The following RGS22 variants were observed in gnomAD, a reference collection of about 807,000 sequenced individuals.
RGS22 encodes the protein regulator of G protein signaling 22, also known as regulator of G-protein signaling 22.
RGS22 carries 148 observed loss-of-function variants against 172.9 expected under a neutral mutation model. That is an observed-to-expected ratio of 0.86 (90% CI 0.75 to 0.98). The LOEUF (loss-of-function observed/expected upper bound fraction) is 0.98, where lower values mean the gene tolerates loss of function less well. Among genes scored for constraint, RGS22 ranks in the 50% least tolerant of loss-of-function variants. The pLI is 0.00. For synonymous variants in RGS22, 458 were observed against 480.2 expected, an observed-to-expected ratio of 0.95 and a Z score of 0.60; for missense variants, 1,347 against 1,440.8, an observed-to-expected ratio of 0.93 and a Z score of 1.05.
chr8:100,043,772 CA>C (rs549103580), intron 11 of RGS22, among the ~76,000 whole-genome samples: 2,402 of 135,808 alleles, frequency 0.018, 34 homozygotes, highest in Middle Eastern at 0.034. Context: ...GACTCTGTCT[CA>C]AAAAAAAACA....
chr8:100,022,158 G>C (rs1817660645), intron 14 of RGS22, among the ~76,000 whole-genome samples: 1 of 152,076 alleles, frequency 6.6e-6, no homozygotes, highest in Admixed American at 6.5e-5. Context: ...TTTCAAACAG[G>C]AATCTTAAAG....
chr8:100,034,484 A>G lies in RGS22; in HGVS notation c.2166+4447T>C, dbSNP rs532173257. On this transcript the variant is annotated intron_variant, in intron 14 of 27. Coordinates refer to ENST00000360863, the MANE Select transcript of RGS22 (RefSeq NM_015668.5). Reference sequence around the variant, plus strand: ...TAAAAGAGGACACAAACAAATGGAAAAACATTCCATGCTCATGGATAGGAA... The same window carrying G: ...TAAAAGAGGACACAAACAAATGGAAGAACATTCCATGCTCATGGATAGGAA... Among the ~76,000 whole-genome samples the G allele has an allele frequency of 3.5e-3, 531 of 152,306 alleles. 2 individuals carry two copies. The highest frequency in any genetic ancestry group is 0.012 in the African/African-American group (490 of 41,554).
chr8:99,980,130 A>G (rs1032502098), intron 22 of RGS22, among the ~76,000 whole-genome samples: 3 of 152,200 alleles, frequency 2.0e-5, no homozygotes, highest in African/African-American at 7.2e-5. Context: ...GGATCTCACT[A>G]TATTGCCCAG....
At chr8:99,979,287 A>G (rs2131190242) in intron 22 of RGS22, among the ~76,000 whole-genome samples, 1 of 152,270 alleles carries the variant, frequency 6.6e-6, no homozygotes, top group Non-Finnish European at 1.5e-5. Flanking sequence ...TCTTGAATAT[A>G]TATATTTCCA....
intron 21 of RGS22, among the ~76,000 whole-genome samples, chr8:99,985,460 A>C (rs570692146): frequency 1.7e-4 from 26 of 152,282 alleles, no homozygotes; most frequent in African/African-American, 5.8e-4. Flanking sequence ...TATTGTCCCC[A>C]TACCCCATCA....
chr8:100,082,500 C>T (rs1337826681), intron 3 of RGS22, among the ~76,000 whole-genome samples: 1 of 152,124 alleles, frequency 6.6e-6, no homozygotes, highest in African/African-American at 2.4e-5. Flanking sequence ...TCTGTTCCTG[C>T]ATTAATTCCC....
intron 14 of RGS22, among the ~76,000 whole-genome samples, chr8:100,017,016 T>TTTTA (rs1817052814): frequency 1.0e-5 from 1 of 95,934 alleles, no homozygotes. Context: ...TTTTTTTTTT[T>TTTTA]AAACAGGGGC....
At chr8:100,082,889 C>T (rs1386325635) in intron 3 of RGS22, among the ~76,000 whole-genome samples, 4 of 152,162 alleles carry the variant, frequency 2.6e-5, no homozygotes, top group Non-Finnish European at 5.9e-5. Flanking sequence ...CATGAAGCAA[C>T]ATGGTGTATG....
chr8:100,010,544 C>A (rs1375586255), intron 14 of RGS22, among the ~76,000 whole-genome samples: 2 of 152,118 alleles, frequency 1.3e-5, no homozygotes, highest in African/African-American at 2.4e-5. Flanking sequence ...TCACATTCTC[C>A]CCCAACAATC....
At chr8:99,972,151 A>G (rs1811431283) in intron 23 of RGS22, among the ~76,000 whole-genome samples, 1 of 152,220 alleles carries the variant, frequency 6.6e-6, no homozygotes, top group Non-Finnish European at 1.5e-5. Context: ...CAATAGGGAA[A>G]GGATTCCCTA....
chr8:100,092,867 T>C (rs1485419948), intron 3 of RGS22, among the ~76,000 whole-genome samples: 1 of 152,234 alleles, frequency 6.6e-6, no homozygotes, highest in Admixed American at 6.5e-5. Flanking sequence ...TGCCAAGTCC[T>C]ATTTACTACT....
chr8:100,062,333 A>G (rs1399104509), intron 9 of RGS22, among the ~76,000 whole-genome samples: 1 of 152,030 alleles, frequency 6.6e-6, no homozygotes, highest in Non-Finnish European at 1.5e-5. Context: ...TAAATAAAAC[A>G]TAAATTCTGC....
chr8:99,987,121 C>G (rs1489957594), intron 21 of RGS22, among the ~76,000 whole-genome samples: 1 of 152,116 alleles, frequency 6.6e-6, no homozygotes, highest in Non-Finnish European at 1.5e-5. Flanking sequence ...ACCCAAAAAT[C>G]CAAAACCTGA....
At chr8:99,976,100 G>A (rs1811898060) in intron 23 of RGS22, among the ~76,000 whole-genome samples, 1 of 152,032 alleles carries the variant, frequency 6.6e-6, no homozygotes, top group Non-Finnish European at 1.5e-5. Context: ...TGAGGCACAA[G>A]AATCACTTGA....
rs548101328 is a variant in RGS22, at chr8:99,982,989, A to G, written c.3181-873T>C. ...CCTGTTCTAGTAGTCAGCAGTGTCTATTATTCCCATATTTATGTCCATGTG... is the reference window on the plus strand; with the variant it reads ...CCTGTTCTAGTAGTCAGCAGTGTCTGTTATTCCCATATTTATGTCCATGTG... On this transcript the variant is annotated intron_variant, in intron 21 of 27. Coordinates refer to ENST00000360863, the MANE Select transcript of RGS22 (RefSeq NM_015668.5). Among the ~76,000 whole-genome samples, 4 of 152,220 alleles carry G rather than the reference A, an allele frequency of 2.6e-5. No homozygotes were observed. In the East Asian group the frequency reaches 5.8e-4, roughly 22 times the overall value.
chr8:100,071,263 G>A, intron 6 of RGS22, 106 bp downstream of exon 6: 1 of 988,788 alleles, frequency 1.0e-6, no homozygotes, highest in Non-Finnish European at 1.4e-6. Context: ...ACTCCAGCCT[G>A]GTGACAGAGT....
intron 10 of RGS22, among the ~76,000 whole-genome samples, chr8:100,052,254 A>C: frequency 7.3e-6 from 1 of 136,602 alleles, no homozygotes; most frequent in African/African-American, 2.8e-5. Context: ...TAAATATATA[A>C]ATGTATATAA....
chr8:99,968,505 C>A (rs1174759384), intron 23 of RGS22, among the ~76,000 whole-genome samples: 2 of 152,010 alleles, frequency 1.3e-5, no homozygotes, highest in African/African-American at 4.8e-5. Context: ...ACAGGAACTG[C>A]TAACTAGAAT....
intron 3 of RGS22, chr8:100,080,847 C>T (rs1421322157): frequency 1.3e-5 from 2 of 152,596 alleles, no homozygotes. Flanking sequence ...CCATCCTTTG[C>T]ACTGTGACAA....
Sources: allele counts gnomAD v4.1 joint callset (sites outside exome capture counted in the v4.1 genomes callset), GRCh38; gene constraint gnomAD v4.1.1; transcripts MANE v1.5; gene names NCBI Gene and HGNC (gene_info 2026-07-23, HGNC 2026-07-21).